Variants in MYO6 observed in about 807,000 individuals in gnomAD.
MYO6 encodes unconventional myosin-VI.
Under a neutral mutation model 178.7 loss-of-function variants are expected in MYO6, and 74 were observed. The ratio of observed to expected loss-of-function variants is 0.41; its 90% CI spans 0.34 to 0.50. The LOEUF is 0.50. Ranked by LOEUF, MYO6 falls within the 20% of genes least tolerant of loss-of-function variation. The pLI is 0.09. For missense variants in MYO6, 1,330 were observed against 1,547.4 expected (o/e 0.86, Z 2.36); for synonymous variants, 477 against 504.6 (o/e 0.95, Z 0.73).
At chr6:75,759,198 A>G (rs1308923182) in intron 1 of MYO6, among the ~76,000 whole-genome samples, 3 of 152,136 alleles carry the variant, frequency 2.0e-5, no homozygotes, top group Non-Finnish European at 4.4e-5. Context: ...ATTTCTATAG[A>G]TCTTAAAAAC....
chr6:75,881,961 G>A (rs1005427311), intron 23 of MYO6, 143 bp downstream of exon 23: 6 of 922,270 alleles, frequency 6.5e-6, no homozygotes, highest in Non-Finnish European at 1.0e-5. Context: ...ATTTGTAGAT[G>A]TTCTTTCTTT....
In MYO6 at chr6:75,837,096, A is replaced by G. The variant is rs186915047; in HGVS notation, c.553+1140A>G. Among the ~76,000 whole-genome samples, 166 of 152,258 alleles carry G rather than the reference A, an allele frequency of 1.1e-3. 2 individuals carry two copies. Among genetic ancestry groups the G allele is most frequent in the South Asian group, 4.1e-3 (20 of 4,828 alleles). On this transcript the variant is annotated intron_variant, in intron 7 of 34. Transcript: ENST00000369977. ...CTGTCTTAAACAGGCTTCTCTGAAC[A>G]CTTTTTCTCCTTCTCCCTGTCTTAC...
intron 1 of MYO6, among the ~76,000 whole-genome samples, chr6:75,773,846 A>C (rs1234826757): frequency 6.6e-6 from 1 of 152,228 alleles, no homozygotes; most frequent in Non-Finnish European, 1.5e-5. Context: ...CAAACTACAA[A>C]ATCAACTTAT....
chr6:75,847,841 AACTT>A (rs1163265470), intron 10 of MYO6, among the ~76,000 whole-genome samples: 2 of 152,022 alleles, frequency 1.3e-5, no homozygotes, highest in African/African-American at 2.4e-5. Context: ...TGCACCTTTT[AACTT>A]ACTTTTTCTT....
intron 30 of MYO6, among the ~76,000 whole-genome samples, chr6:75,907,358 A>G (rs1468019023): frequency 1.3e-5 from 2 of 152,256 alleles, no homozygotes; most frequent in South Asian, 2.1e-4. Flanking sequence ...TTGTGGAACT[A>G]GAATATTAGA....
At chr6:75,770,177 T>A (rs1367387751) in intron 1 of MYO6, among the ~76,000 whole-genome samples, 1 of 152,200 alleles carries the variant, frequency 6.6e-6, no homozygotes, top group Non-Finnish European at 1.5e-5. Flanking sequence ...TGCGTTGCAC[T>A]ATGATTGTAA....
chr6:75,913,313 C>T (rs1361507752), intron 33 of MYO6, among the ~76,000 whole-genome samples: 1 of 152,066 alleles, frequency 6.6e-6, no homozygotes, highest in Admixed American at 6.6e-5. Context: ...ATGAAATGCC[C>T]AGTACTAGTA....
intron 1 of MYO6, among the ~76,000 whole-genome samples, chr6:75,788,956 G>C (rs927302761): frequency 6.6e-6 from 1 of 152,096 alleles, no homozygotes; most frequent in Non-Finnish European, 1.5e-5. Context: ...AAAAGCAAAG[G>C]CAACATGATA....
intron 1 of MYO6, among the ~76,000 whole-genome samples, chr6:75,753,455 GTA>G (rs58108910): frequency 0.31 from 43,535 of 139,674 alleles, 6,632 homozygotes; most frequent in Non-Finnish European, 0.36. Flanking sequence ...GTGTGTGTGT[GTA>G]TATATATATA....
chr6:75,895,520 T>A (rs1412789985), intron 29 of MYO6, among the ~76,000 whole-genome samples: 2 of 146,908 alleles, frequency 1.4e-5, no homozygotes, highest in Admixed American at 6.8e-5. Context: ...ATATATGAAT[T>A]TTTTTTTTTT....
Position 75,830,548 on chromosome 6 carries a change from AAGTGAT to A in MYO6, c.391+4_391+9del. On this transcript the variant is annotated splice_donor_5th_base_variant and intron_variant, in intron 5 of 34. Transcript: ENST00000369977. ...ACCACCTCATGTCTTTGCAATTGGT[AAGTGAT>A]TTTAAATGTATTTTAATTCTTGTCT... is the stretch of plus-strand genomic sequence containing the variant. The A allele has an allele frequency of 6.2e-7, 1 of 1,610,072 alleles. No homozygotes were observed. Among genetic ancestry groups the A allele is most frequent in the Non-Finnish European group, 8.5e-7 (1 of 1,176,686 alleles).
intron 1 of MYO6, among the ~76,000 whole-genome samples, chr6:75,763,326 A>AT (rs1778117713): frequency 6.6e-6 from 1 of 152,188 alleles, no homozygotes; most frequent in Non-Finnish European, 1.5e-5. Flanking sequence ...GCCCGGCATA[A>AT]TTTTTTTATT....
chr6:75,810,513 G>A (rs59710688), intron 1 of MYO6, among the ~76,000 whole-genome samples: 19 of 152,082 alleles, frequency 1.2e-4, no homozygotes, highest in East Asian at 9.6e-4. Context: ...CAAAAGGGAG[G>A]GGGGTATAAT....
At chr6:75,767,127 G>A (rs777780867) in intron 1 of MYO6, among the ~76,000 whole-genome samples, 3 of 152,004 alleles carry the variant, frequency 2.0e-5, no homozygotes, top group Non-Finnish European at 4.4e-5. Context: ...CCAGGTTCAA[G>A]TGATTCTCAT....
In MYO6 at chr6:75,873,217, T is replaced by G. The variant is rs1428274345; in HGVS notation, c.1994T>G (p.Phe665Cys). Residue 665 changes from phenylalanine (F) to cysteine (C), a missense_variant, in exon 20 of 35, where the codon TTT becomes TGT. Physicochemically the swap from Phe to Cys is radical, Grantham distance 205. Coordinates refer to ENST00000369977, the MANE Select transcript of MYO6 (RefSeq NM_004999.4). ...CCTTTATTTTCCTAGGGAGCAAGCT[T>G]TATTCGTTGCATCAAACCTAACTTA... ...LDKLRSTGAS[F>C]IRCIKPNLKM... 1.2e-6 allele frequency: 2 copies of G among 1,613,968 alleles called. No homozygotes were observed. The highest frequency in any genetic ancestry group is 1.7e-5 in the Admixed American group (1 of 60,020).
intron 1 of MYO6, among the ~76,000 whole-genome samples, chr6:75,749,646 T>C (rs545461502): frequency 5.9e-4 from 90 of 152,376 alleles, no homozygotes; most frequent in Middle Eastern, 3.4e-3. Flanking sequence ...TCTCCTTTCA[T>C]GGGTTCTCAT....
intron 25 of MYO6, among the ~76,000 whole-genome samples, chr6:75,888,967 G>A (rs1778685294): frequency 6.6e-6 from 1 of 152,008 alleles, no homozygotes; most frequent in Non-Finnish European, 1.5e-5. Context: ...CTATATGCTT[G>A]TTAATTATAT....
rs2149373829 is a variant in MYO6 at position 75,892,540 on chromosome 6, A to G, written c.2957A>G (p.Glu986Gly). ...TTCTGCCCTTGTCAGGCTGAAGTGG[A>G]GGCACAGCTGGCCCGACAGAAGGAG... is the stretch of plus-strand genomic sequence containing the variant. ...DDEKRIQAEV[E>G]AQLARQKEEE... is the part of the protein sequence containing the mutation. The change falls in exon 28 of 35, where the codon GAG (glutamate) becomes GGG (glycine). Residue 986 changes from glutamate to glycine, a missense_variant. Physicochemically the swap from Glu to Gly is moderately conservative, Grantham distance 98. Around this residue, in one of 3 missense-constraint regions of MYO6, gnomAD observed 601 missense variants for 626.1 expected, o/e 0.96. Coordinates refer to ENST00000369977, the MANE Select transcript of MYO6 (RefSeq NM_004999.4). 6.2e-7 allele frequency: 1 copy of G among 1,614,006 alleles called. No individual in the cohort carries two copies. Among genetic ancestry groups the G allele is most frequent in the Admixed American group, 1.7e-5 (1 of 60,012 alleles).
intron 30 of MYO6, among the ~76,000 whole-genome samples, chr6:75,902,660 T>A (rs1779904465): frequency 6.6e-6 from 1 of 152,098 alleles, no homozygotes; most frequent in Non-Finnish European, 1.5e-5. Flanking sequence ...ATTTTGTTGA[T>A]CCTTTCAAAA....
Sources: allele counts gnomAD v4.1 joint callset (sites outside exome capture counted in the v4.1 genomes callset), GRCh38; gene constraint gnomAD v4.1.1; regional missense constraint gnomAD v4.1.1; transcripts MANE v1.5; gene names NCBI Gene and HGNC (gene_info 2026-07-23, HGNC 2026-07-21).